The following YTHDF3 variants were observed in gnomAD, a reference collection of about 807,000 sequenced individuals.
The protein encoded by YTHDF3 is YTH domain-containing family protein 3.
In YTHDF3, 9 loss-of-function variants were observed where a neutral mutation model predicts 52.5. That is an observed-to-expected ratio of 0.17 (90% confidence interval 0.10 to 0.30). The LOEUF is 0.30. Ranked by LOEUF, YTHDF3 falls within the 10% of genes least tolerant of loss-of-function variation. The probability of loss-of-function intolerance (pLI) is 1.00; values close to 1 mark genes in which losing one functional copy is unlikely to be tolerated. For missense variants in YTHDF3, 534 were observed against 715.0 expected (o/e 0.75, Z 2.89); for synonymous variants, 274 against 243.3 (o/e 1.13, Z -1.18).
chr8:63,177,144 A>C (rs1347206887), intron 3 of YTHDF3, among the ~76,000 whole-genome samples: 1 of 152,210 alleles, frequency 6.6e-6, no homozygotes, highest in Non-Finnish European at 1.5e-5. Flanking sequence ...GAAACTCTGA[A>C]AGAACAAGGA....
intron 3 of YTHDF3, among the ~76,000 whole-genome samples, chr8:63,178,126 T>A (rs183486081): frequency 6.6e-6 from 1 of 152,324 alleles, no homozygotes; most frequent in East Asian, 1.9e-4. Context: ...ACCTGAGTAA[T>A]CTTCTTGCAT....
chr8:63,189,068 G>A (rs1028233277), intron 4 of YTHDF3: 2 of 152,056 alleles, frequency 1.3e-5, no homozygotes, highest in Non-Finnish European at 2.9e-5. Flanking sequence ...TATACTTAAA[G>A]CACTTGTACA....
intron 3 of YTHDF3, among the ~76,000 whole-genome samples, chr8:63,182,266 A>C: frequency 7.7e-6 from 1 of 129,584 alleles, no homozygotes; most frequent in Admixed American, 8.5e-5. Flanking sequence ...TTTTAATGAG[A>C]TAGTCTCTTG....
At chr8:63,171,709 A>G (rs1181575642) in intron 2 of YTHDF3, among the ~76,000 whole-genome samples, 2 of 152,288 alleles carry the variant, frequency 1.3e-5, no homozygotes, top group Non-Finnish European at 2.9e-5. Flanking sequence ...TCATGAAGTT[A>G]TTTTTCTTGA....
chr8:63,195,905 G>T (rs1036804009), intron 4 of YTHDF3, among the ~76,000 whole-genome samples: 3 of 152,010 alleles, frequency 2.0e-5, no homozygotes, highest in African/African-American at 7.2e-5. Context: ...AGGCTCAGGT[G>T]ATTCTTCCAC....
intron 2 of YTHDF3, chr8:63,173,780 T>C (rs562137854): frequency 9.4e-4 from 544 of 576,582 alleles, no homozygotes; most frequent in Non-Finnish European, 1.2e-3. Context: ...CTAGTGGCTA[T>C]TACATATTTA....
chr8:63,202,220 C>T (rs1318457238), intron 4 of YTHDF3, among the ~76,000 whole-genome samples: 1 of 152,196 alleles, frequency 6.6e-6, no homozygotes, highest in African/African-American at 2.4e-5. Context: ...ATCCCCAAAA[C>T]ATAATGATTG....
At position 63,169,342 on chromosome 8, in the gene YTHDF3, C is replaced by G. The variant is rs764964182; in HGVS notation, c.25-45C>G. Reference sequence around the variant, plus strand: ...CTTTGATTAACACACTTTTTCTTTTCTTCCTTTTTCTCCTCTTTACCGCAT... The same window carrying G: ...CTTTGATTAACACACTTTTTCTTTTGTTCCTTTTTCTCCTCTTTACCGCAT... On this transcript the variant is annotated intron_variant, in intron 1 of 4. Transcript: ENST00000539294. 8 of 1,577,846 alleles carry G rather than the reference C, an allele frequency of 5.1e-6. No homozygotes were observed. The South Asian group carries it at 8.0e-5, about 16-fold the overall frequency.
At chr8:63,170,947 A>T (rs1490564997) in intron 2 of YTHDF3, among the ~76,000 whole-genome samples, 1 of 152,110 alleles carries the variant, frequency 6.6e-6, no homozygotes, top group African/African-American at 2.4e-5. Context: ...CTTTGATATT[A>T]GATATGAGTT....
intron 2 of YTHDF3, among the ~76,000 whole-genome samples, chr8:63,172,291 T>C (rs1807377126): frequency 6.6e-6 from 1 of 152,210 alleles, no homozygotes; most frequent in Non-Finnish European, 1.5e-5. Flanking sequence ...AAGTGTCAGA[T>C]GCCATACTTA....
chr8:63,168,761 C>A lies in YTHDF3; in HGVS notation c.-117C>A, dbSNP rs755146340. 3.9e-6 allele frequency: 6 copies of A among 1,543,992 alleles called. No homozygotes were observed. The highest frequency in any genetic ancestry group is 5.2e-6 in the Non-Finnish European group (6 of 1,143,124). ...CTCATTTTGGGTTCTCAGCGAACGG[C>A]GGCAGCGGCGGCGGCTGGAACAATC... On this transcript the variant is annotated 5_prime_UTR_variant, in exon 1 of 5. Coordinates refer to ENST00000539294, the MANE Select transcript of YTHDF3 (RefSeq NM_152758.6).
chr8:63,200,312 A>C (rs1563411194), intron 4 of YTHDF3, among the ~76,000 whole-genome samples: 1 of 152,112 alleles, frequency 6.6e-6, no homozygotes, highest in South Asian at 2.1e-4. Context: ...CTGAGGAGGC[A>C]GTAGCTACCA....
intron 2 of YTHDF3, among the ~76,000 whole-genome samples, chr8:63,174,336 C>G (rs551432510): frequency 1.8e-4 from 28 of 152,278 alleles, no homozygotes; most frequent in African/African-American, 6.0e-4. Flanking sequence ...TTAAATGGTT[C>G]TAAAGTCATA....
intron 1 of YTHDF3, 129 bp from the exon 2 acceptor site, chr8:63,169,258 G>T: frequency 1.5e-6 from 2 of 1,335,196 alleles, no homozygotes; most frequent in Non-Finnish European, 2.1e-6. Flanking sequence ...GGCTGTGGAG[G>T]ATATGGTGGG....
chr8:63,168,678 A>C lies in YTHDF3; in HGVS notation c.-200A>C. On this transcript the variant is annotated 5_prime_UTR_variant, in exon 1 of 5. Transcript: ENST00000539294. ...CGAGAAGCAGAGAGCGAGAGGGGGA[A>C]GAGGAGCGTGCAAGCGGAAAAGACG... 1.1e-6 allele frequency: 1 copy of C among 924,958 alleles called. No homozygotes were observed. The highest frequency in any genetic ancestry group is 1.6e-6 in the Non-Finnish European group (1 of 609,702). The allele number at this position is 924,958 out of a possible 1,614,324, so 57.3% of individuals were successfully genotyped here. A position where few individuals can be genotyped will look rare whatever the true frequency, so the allele number is the denominator to read the frequency against.
In YTHDF3 at chr8:63,177,466, G is replaced by A. The variant is rs999354784; in HGVS notation, c.135+2050G>A. Among the ~76,000 whole-genome samples the A allele has an allele frequency of 2.0e-5, 3 of 152,302 alleles. No homozygotes were observed. In the East Asian group the frequency reaches 5.8e-4, roughly 29 times the overall value. On this transcript the variant is annotated intron_variant, in intron 3 of 4. Coordinates refer to ENST00000539294, the MANE Select transcript of YTHDF3 (RefSeq NM_152758.6). ...TCATTTGTTGTGAAATGTAGTGCAAGTTTTAAAATAAGCGTGATTTTACTA... is the reference window on the plus strand; with the variant it reads ...TCATTTGTTGTGAAATGTAGTGCAAATTTTAAAATAAGCGTGATTTTACTA...
chr8:63,182,315 C>G (rs1295090558), intron 3 of YTHDF3, among the ~76,000 whole-genome samples: 1 of 149,892 alleles, frequency 6.7e-6, no homozygotes, highest in Non-Finnish European at 1.5e-5. Flanking sequence ...AATTGATCCA[C>G]CTTTTCCAGC....
chr8:63,188,678 C>CATATATATATATATAT (rs1166458271), intron 4 of YTHDF3: 35 of 61,972 alleles, frequency 5.6e-4, no homozygotes, highest in South Asian at 2.1e-3. Context: ...TAAGAAATTA[C>CATATATATATATATAT]ATATATATAT....
At chr8:63,176,766 C>T (rs1455365631) in intron 3 of YTHDF3, among the ~76,000 whole-genome samples, 1 of 152,076 alleles carries the variant, frequency 6.6e-6, no homozygotes, top group Non-Finnish European at 1.5e-5. Context: ...CAACCTCTGC[C>T]TCCCAGGCTC....
Sources: allele counts gnomAD v4.1 joint callset (sites outside exome capture counted in the v4.1 genomes callset), GRCh38; gene constraint gnomAD v4.1.1; transcripts MANE v1.5; gene names NCBI Gene and HGNC (gene_info 2026-07-23, HGNC 2026-07-21).